BICRAL: variants seen among roughly 807,000 people sequenced by gnomAD.
The protein encoded by BICRAL is BICRA like chromatin remodeling complex associated protein.
A neutral mutation model predicts 91.8 loss-of-function variants in BICRAL; 8 were observed. The observed-to-expected ratio is 0.09, with a 90% CI of 0.05 to 0.16. The LOEUF (loss-of-function observed/expected upper bound fraction) is 0.16. Among genes scored for constraint, BICRAL ranks in the 10% least tolerant of loss-of-function variants. The pLI, the probability that BICRAL is intolerant of heterozygous loss-of-function variation, is 1.00. For synonymous variants in BICRAL, 445 were observed against 491.1 expected (o/e 0.91, Z 1.24); for missense variants, 1,038 against 1,310.9 (o/e 0.79, Z 3.21).
chr6:42,829,793 C>T lies in BICRAL; in HGVS notation c.1460C>T (p.Ala487Val). ...GCTGCCTCTGGAAGTCCAGTGATAG[C>T]CAATCATGCCTCTCCTCAGCTTGTG... The part of the protein sequence containing the change: ...TFAASGSPVI[A>V]NHASPQLVGG... The change falls in exon 6 of 13, where the codon GCC (alanine) becomes GTC (valine). Residue 487 changes from alanine to valine, a missense_variant. Transcript: ENST00000314073. The T allele has an allele frequency of 6.2e-7, 1 of 1,614,180 alleles. No homozygotes were observed. Among genetic ancestry groups the T allele is most frequent in the Non-Finnish European group, 8.5e-7 (1 of 1,180,030 alleles).
At chr6:42,823,251 G>T (rs1013496060) in intron 5 of BICRAL, among the ~76,000 whole-genome samples, 3 of 151,996 alleles carry the variant, frequency 2.0e-5, no homozygotes, top group Admixed American at 6.6e-5. Context: ...TCAGCCTCCC[G>T]AATAGCTGGG....
chr6:42,749,679 A>C (rs1353007500), intron 1 of BICRAL, among the ~76,000 whole-genome samples: 1 of 152,140 alleles, frequency 6.6e-6, no homozygotes, highest in Non-Finnish European at 1.5e-5. Flanking sequence ...TATATCAATA[A>C]AAATAATAAT....
chr6:42,864,514 T>C lies in BICRAL; in HGVS notation c.2453-145T>C, dbSNP rs111430873. The C allele has an allele frequency of 8.6e-4, 572 of 668,406 alleles. 2 individuals carry two copies. The African/African-American group carries it at 9.1e-3, about 11-fold the overall frequency. The allele number at this position is 668,406 out of a possible 1,614,324, so 41.4% of individuals were successfully genotyped here. A position where few individuals can be genotyped will look rare whatever the true frequency, so the allele number is the denominator to read the frequency against. The stretch of plus-strand genomic sequence containing the variant: ...GGATGCCCTCTCAGGATCAGGGTCC[T>C]GCTTCTGCATGTTCCTGTATGTGAA... On this transcript the variant is annotated intron_variant, in intron 12 of 12. Transcript: ENST00000314073.
chr6:42,857,614 A>AAAAAAAAAAAAAAATATAT, intron 10 of BICRAL, among the ~76,000 whole-genome samples: 1 of 96,240 alleles, frequency 1.0e-5, no homozygotes, highest in African/African-American at 6.5e-5. Context: ...AAAAAAAAAA[A>AAAAAAAAAAAAAAATATAT]ATATATATAT....
chr6:42,796,334 T>A (rs2113889363), intron 1 of BICRAL, among the ~76,000 whole-genome samples: 1 of 152,272 alleles, frequency 6.6e-6, no homozygotes, highest in South Asian at 2.1e-4. Flanking sequence ...GGAAGGGCAT[T>A]CCAGGCAGAC....
chr6:42,825,448 C>T (rs1664718181), intron 5 of BICRAL, among the ~76,000 whole-genome samples: 1 of 151,416 alleles, frequency 6.6e-6, no homozygotes, highest in Non-Finnish European at 1.5e-5. Context: ...GCCTGTAGTC[C>T]CAGCTACTTG....
chr6:42,796,669 T>C (rs1276663068), intron 1 of BICRAL, among the ~76,000 whole-genome samples: 1 of 151,960 alleles, frequency 6.6e-6, no homozygotes, highest in Admixed American at 6.6e-5. Flanking sequence ...GAGATGGTAG[T>C]GGAGGTGGTA....
At chr6:42,855,980 T>A (rs913036672) in intron 9 of BICRAL, 63 bp downstream of exon 9, 4 of 1,248,528 alleles carry the variant, frequency 3.2e-6, no homozygotes, top group Non-Finnish European at 4.7e-6. Flanking sequence ...TAGCCTTCAA[T>A]AAATATACCA....
chr6:42,813,628 C>T (rs191162675), intron 2 of BICRAL, among the ~76,000 whole-genome samples: 36 of 152,182 alleles, frequency 2.4e-4, no homozygotes, highest in African/African-American at 7.0e-4. Flanking sequence ...TCAGGTGGTC[C>T]TCCCACCTCA....
intron 1 of BICRAL, among the ~76,000 whole-genome samples, chr6:42,805,094 C>T (rs570681957): frequency 1.3e-5 from 2 of 152,308 alleles, no homozygotes; most frequent in South Asian, 4.1e-4. Context: ...GTAGTTGCTG[C>T]TTTCAGAATT....
intron 1 of BICRAL, among the ~76,000 whole-genome samples, chr6:42,799,088 T>G (rs1763494811): frequency 2.6e-5 from 4 of 152,132 alleles, no homozygotes. Context: ...GAAATATGTA[T>G]TAGACACAAG....
Position 42,862,590 on chromosome 6 carries a change from G to C in BICRAL, c.2430G>C (p.Lys810Asn). The change falls in exon 12 of 13, where the codon AAG becomes AAC. Residue 810 changes from lysine (K) to asparagine (N), a missense_variant. Lys to Asn is a moderately conservative substitution (Grantham distance 94). Transcript: ENST00000314073. ...AAAGAGCTTCCCTGTCCCGAGACAA[G>C]CGTTTGGCACTTGTAGACCCTGGTA... Reference protein sequence around the residue: ...QEERASLSRDKRLALVDPEGF... With the variant: ...QEERASLSRDNRLALVDPEGF... The C allele has an allele frequency of 6.2e-7, 1 of 1,606,258 alleles. No individual in the cohort carries two copies. Among genetic ancestry groups the C allele is most frequent in the Non-Finnish European group, 8.5e-7 (1 of 1,173,014 alleles).
chr6:42,820,999 G>A (rs796681161), intron 2 of BICRAL: 3 of 152,332 alleles, frequency 2.0e-5, no homozygotes, highest in African/African-American at 7.2e-5. Context: ...AGTTTTAACA[G>A]AGGAAAAACA....
At chr6:42,835,400 A>C (rs1764610384) in intron 6 of BICRAL, among the ~76,000 whole-genome samples, 1 of 152,068 alleles carries the variant, frequency 6.6e-6, no homozygotes, top group Non-Finnish European at 1.5e-5. Context: ...AAGTGCTGGG[A>C]TTTCAGGCAT....
intron 6 of BICRAL, among the ~76,000 whole-genome samples, chr6:42,851,651 G>A (rs1765184381): frequency 1.3e-5 from 2 of 152,154 alleles, no homozygotes; most frequent in South Asian, 4.1e-4. Context: ...AACAATGAGT[G>A]GTGACAAAAA....
intron 11 of BICRAL, among the ~76,000 whole-genome samples, chr6:42,862,221 A>C (rs1397560921): frequency 6.6e-6 from 1 of 151,964 alleles, no homozygotes; most frequent in Non-Finnish European, 1.5e-5. Context: ...GTACAAAATA[A>C]AGAAGTATAT....
intron 6 of BICRAL, among the ~76,000 whole-genome samples, chr6:42,832,940 T>C (rs1338741278): frequency 1.3e-5 from 2 of 152,174 alleles, no homozygotes; most frequent in Non-Finnish European, 2.9e-5. Context: ...ATTTAGTCAG[T>C]TCTCCCAGAA....
At chr6:42,837,905 T>C (rs538022004) in intron 6 of BICRAL, among the ~76,000 whole-genome samples, 176 of 152,328 alleles carry the variant, frequency 1.2e-3, no homozygotes, top group Non-Finnish European at 1.9e-3. Flanking sequence ...TCCTCACTTT[T>C]GTATTGGGAA....
At chr6:42,801,750 C>T (rs1490767475) in intron 1 of BICRAL, among the ~76,000 whole-genome samples, 5 of 151,582 alleles carry the variant, frequency 3.3e-5, no homozygotes, top group South Asian at 2.1e-4. Flanking sequence ...GCTGTGGTGG[C>T]GCACACCTAT....
Sources: gnomAD v4.1 joint callset for allele counts (sites outside exome capture counted in the v4.1 genomes callset) on GRCh38, gnomAD v4.1.1 for gene constraint, MANE v1.5 for transcripts, NCBI Gene and HGNC (gene_info 2026-07-23, HGNC 2026-07-21) for gene names.